Variants in SLC25A48 observed in about 807,000 individuals in gnomAD.
SLC25A48 encodes solute carrier family 25 member 48.
A neutral mutation model predicts 32.2 loss-of-function variants in SLC25A48; 29 were observed. The observed-to-expected ratio is 0.90, with a 90% CI of 0.67 to 1.23. The LOEUF is 1.23. Ranked by LOEUF, SLC25A48 falls within the 50% of genes most tolerant of loss-of-function variation. The pLI is 0.00. For missense variants in SLC25A48, 399 were observed against 422.7 expected, an observed-to-expected ratio of 0.94 and a Z score of 0.49; for synonymous variants, 164 against 172.3, an observed-to-expected ratio of 0.95 and a Z score of 0.38.
intron 3 of SLC25A48, among the ~76,000 whole-genome samples, chr5:135,659,735 G>A (rs972361325): frequency 6.6e-6 from 1 of 152,148 alleles, no homozygotes; most frequent in African/African-American, 2.4e-5. Flanking sequence ...GGAAGCCTCA[G>A]GAAACTTACA....
rs114318933 is a variant in SLC25A48 at position 135,718,046 on chromosome 5, C to T, written c.-521+83090C>T. Among the ~76,000 whole-genome samples the T allele has an allele frequency of 3.7e-3, 568 of 152,052 alleles. 2 individuals are homozygous for T. The highest frequency in any genetic ancestry group is 0.01 in the Middle Eastern group (3 of 294). The stretch of plus-strand genomic sequence containing the variant: ...TTGTTGAGAGGGAGTCTTGGTCTGT[C>T]GCCCAGGCTGGGGTGTAGCGGCATG... On this transcript the variant is annotated intron_variant, in intron 3 of 10. Transcript: ENST00000646290.
intron 3 of SLC25A48, among the ~76,000 whole-genome samples, chr5:135,749,333 T>C (rs1410035729): frequency 6.6e-6 from 1 of 150,962 alleles, no homozygotes; most frequent in Non-Finnish European, 1.5e-5. Flanking sequence ...TCAACCTTGC[T>C]CCAGGTTTCT....
intron 1 of SLC25A48, among the ~76,000 whole-genome samples, chr5:135,589,351 A>C (rs932229504): frequency 1.3e-5 from 2 of 152,210 alleles, no homozygotes; most frequent in African/African-American, 4.8e-5. Flanking sequence ...ATGCTCCCAT[A>C]GTGCGACGAA....
chr5:135,781,519 G>T lies in SLC25A48; in HGVS notation c.-520-31004G>T, dbSNP rs763495543. Among the ~76,000 whole-genome samples, 5 of 117,670 alleles carry T rather than the reference G, an allele frequency of 4.2e-5. 2 individuals carry two copies. The highest frequency in any genetic ancestry group is 1.0e-4 in the Non-Finnish European group (5 of 47,660). 77.2% of individuals were successfully genotyped at this position (117,670 alleles called of 152,430 possible). ...ATTGCAGAAAGGGTACAACCACCCTGTGATATTGTTCCTAATATCAAAAGG... is the reference window on the plus strand; with the variant it reads ...ATTGCAGAAAGGGTACAACCACCCTTTGATATTGTTCCTAATATCAAAAGG... On this transcript the variant is annotated intron_variant, in intron 3 of 10. Transcript: ENST00000646290.
chr5:135,601,170 C>G (rs1751788437), intron 1 of SLC25A48: 1 of 152,208 alleles, frequency 6.6e-6, no homozygotes, highest in Non-Finnish European at 1.5e-5. Flanking sequence ...GCTGAGGTCA[C>G]CCCATCCGTG....
At chr5:135,666,532 C>G (rs577827164) in intron 3 of SLC25A48, among the ~76,000 whole-genome samples, 3 of 152,194 alleles carry the variant, frequency 2.0e-5, no homozygotes, top group African/African-American at 7.2e-5. Context: ...TTGGGGGGAA[C>G]TTCTAGAAAC....
At chr5:135,611,861 T>G (rs1752080411) in intron 1 of SLC25A48, among the ~76,000 whole-genome samples, 1 of 152,344 alleles carries the variant, frequency 6.6e-6, no homozygotes, top group East Asian at 1.9e-4. Flanking sequence ...TATGATTTCA[T>G]GCAATAAGGC....
intron 3 of SLC25A48, among the ~76,000 whole-genome samples, chr5:135,797,123 G>T (rs1209074486): frequency 6.6e-6 from 1 of 151,676 alleles, no homozygotes; most frequent in Non-Finnish European, 1.5e-5. Context: ...AATCACAGGG[G>T]TATGCACCAT....
At chr5:135,729,086 C>G (rs562236960) in intron 3 of SLC25A48, among the ~76,000 whole-genome samples, 24 of 152,202 alleles carry the variant, frequency 1.6e-4, no homozygotes, top group African/African-American at 5.8e-4. Context: ...CATACCCCTT[C>G]CATGTGCCTA....
At chr5:135,636,164 C>T (rs1470413203) in intron 3 of SLC25A48, among the ~76,000 whole-genome samples, 3 of 152,158 alleles carry the variant, frequency 2.0e-5, no homozygotes, top group Admixed American at 1.3e-4. Flanking sequence ...TAGGTTACTC[C>T]AGATCTAGCT....
At chr5:135,644,439 T>G (rs1374493526) in intron 3 of SLC25A48, among the ~76,000 whole-genome samples, 1 of 152,134 alleles carries the variant, frequency 6.6e-6, no homozygotes, top group Non-Finnish European at 1.5e-5. Flanking sequence ...TGACATCTGA[T>G]GAACCCCAGG....
chr5:135,624,888 A>G (rs945510063), intron 1 of SLC25A48, among the ~76,000 whole-genome samples: 1 of 152,212 alleles, frequency 6.6e-6, no homozygotes, highest in Non-Finnish European at 1.5e-5. Flanking sequence ...ATCTGGTGAC[A>G]AAGCATTGCT....
At chr5:135,599,809 A>C (rs1335957589) in intron 1 of SLC25A48, among the ~76,000 whole-genome samples, 1 of 152,186 alleles carries the variant, frequency 6.6e-6, no homozygotes, top group East Asian at 1.9e-4. Flanking sequence ...GCTGGCATGC[A>C]GGAGGAGCAG....
At chr5:135,851,620 A>C (rs1356095551) in intron 3 of SLC25A48, among the ~76,000 whole-genome samples, 1 of 152,010 alleles carries the variant, frequency 6.6e-6, no homozygotes, top group Non-Finnish European at 1.5e-5. Flanking sequence ...GTGCGTGTGC[A>C]GGTGTGTGTG....
At chr5:135,770,802 G>A (rs968300176) in intron 3 of SLC25A48, among the ~76,000 whole-genome samples, 11 of 149,766 alleles carry the variant, frequency 7.3e-5, no homozygotes, top group African/African-American at 1.8e-4. Flanking sequence ...CGCAAAGGGT[G>A]TATACCCTCC....
intron 3 of SLC25A48, among the ~76,000 whole-genome samples, chr5:135,745,138 G>T (rs1038431455): frequency 2.1e-4 from 32 of 152,202 alleles, no homozygotes; most frequent in Non-Finnish European, 3.8e-4. Flanking sequence ...ACAGCCTTCA[G>T]ACCTGAGAGC....
Position 135,647,576 on chromosome 5 carries a change from A to G in SLC25A48, c.-521+12620A>G, listed in dbSNP as rs1175303371. Among the ~76,000 whole-genome samples, 6 of 151,816 alleles carry G rather than the reference A, an allele frequency of 4.0e-5. No individual in the cohort carries two copies. The East Asian group carries it at 9.7e-4, about 24-fold the overall frequency. On this transcript the variant is annotated intron_variant, in intron 3 of 10. Transcript: ENST00000646290. The stretch of plus-strand genomic sequence containing the variant: ...AGGGTAGAGCAGTCCTCAGTGCTCT[A>G]CCCACCCTCAGCCCCCAGCCTCCTG...
intron 2 of SLC25A48, among the ~76,000 whole-genome samples, chr5:135,632,094 C>T (rs1420808728): frequency 6.6e-6 from 1 of 152,184 alleles, no homozygotes; most frequent in Non-Finnish European, 1.5e-5. Context: ...ACACATGTGG[C>T]CTGATTGTCT....
chr5:135,788,933 A>G (rs66533013), intron 3 of SLC25A48, among the ~76,000 whole-genome samples: 114,990 of 150,042 alleles, frequency 0.77, 44,409 homozygotes, highest in Middle Eastern at 0.87. Flanking sequence ...ATCCGGGGGG[A>G]AGAGGGTGGT....
Sources: gnomAD v4.1 joint callset for allele counts (sites outside exome capture counted in the v4.1 genomes callset) on GRCh38, gnomAD v4.1.1 for gene constraint, MANE v1.5 for transcripts, NCBI Gene and HGNC (gene_info 2026-07-23, HGNC 2026-07-21) for gene names.